Variants in ROR2 observed in about 807,000 individuals in gnomAD.
The protein encoded by ROR2 is tyrosine-protein kinase transmembrane receptor ROR2.
A neutral mutation model predicts 74.9 loss-of-function variants in ROR2; 33 were observed. The ratio of observed to expected loss-of-function variants is 0.44; its 90% CI spans 0.33 to 0.59. ROR2 has a LOEUF of 0.59. Among genes scored for constraint, ROR2 ranks in the 20% least tolerant of loss-of-function variants. The pLI, the probability that ROR2 is intolerant of heterozygous loss-of-function variation, is 0.02. For synonymous variants in ROR2, 586 were observed against 558.7 expected, an observed-to-expected ratio of 1.05 and a Z score of -0.69; for missense variants, 1,216 against 1,313.8, an observed-to-expected ratio of 0.93 and a Z score of 1.15.
intron 1 of ROR2, among the ~76,000 whole-genome samples, chr9:91,904,704 C>T (rs2119441752): frequency 6.6e-6 from 1 of 152,280 alleles, no homozygotes; most frequent in Admixed American, 6.5e-5. Context: ...CCATCTCCAC[C>T]CCAGCGCCCT....
chr9:91,816,488 A>T (rs1827938921), intron 1 of ROR2, among the ~76,000 whole-genome samples: 1 of 151,582 alleles, frequency 6.6e-6, no homozygotes, highest in South Asian at 2.1e-4. Context: ...AGACGTGGAC[A>T]CTTGTGCTTC....
intron 1 of ROR2, among the ~76,000 whole-genome samples, chr9:91,842,608 T>C (rs892291591): frequency 6.6e-6 from 1 of 152,260 alleles, no homozygotes; most frequent in African/African-American, 2.4e-5. Context: ...TGTCCACAGC[T>C]TCTCTGCCTC....
At chr9:91,786,826 T>C (rs562134556) in intron 1 of ROR2, among the ~76,000 whole-genome samples, 1 of 152,286 alleles carries the variant, frequency 6.6e-6, no homozygotes, top group East Asian at 1.9e-4. Flanking sequence ...TAGAGCTGAC[T>C]ATAACTGCAG....
intron 1 of ROR2, among the ~76,000 whole-genome samples, chr9:91,883,832 C>T (rs1830190835): frequency 6.6e-6 from 1 of 152,188 alleles, no homozygotes. Context: ...TAAATCACCA[C>T]CAAAATCCCT....
chr9:91,818,408 C>T (rs1338447177), intron 1 of ROR2, among the ~76,000 whole-genome samples: 2 of 151,804 alleles, frequency 1.3e-5, no homozygotes, highest in African/African-American at 2.4e-5. Context: ...CCCCCACAGG[C>T]TATCTCCCTG....
chr9:91,830,041 A>G (rs1234352937), intron 1 of ROR2, among the ~76,000 whole-genome samples: 7 of 152,198 alleles, frequency 4.6e-5, no homozygotes, highest in Non-Finnish European at 2.9e-5. Context: ...ACCCTAATCA[A>G]TTTTCATTAT....
chr9:91,849,752 T>G (rs938687988), intron 1 of ROR2, among the ~76,000 whole-genome samples: 1 of 152,220 alleles, frequency 6.6e-6, no homozygotes, highest in Non-Finnish European at 1.5e-5. Context: ...GACTTCAACC[T>G]CCCCAGATAG....
intron 1 of ROR2, among the ~76,000 whole-genome samples, chr9:91,874,762 C>T (rs893406089): frequency 1.3e-5 from 2 of 152,052 alleles, no homozygotes; most frequent in African/African-American, 4.8e-5. Flanking sequence ...ATGGACAAAC[C>T]CTGTCTCCAC....
chr9:91,804,034 G>GA (rs1245008916), intron 1 of ROR2, among the ~76,000 whole-genome samples: 1 of 152,172 alleles, frequency 6.6e-6, no homozygotes, highest in Non-Finnish European at 1.5e-5. Flanking sequence ...AAAATCACCA[G>GA]AAACACACTC....
intron 1 of ROR2, among the ~76,000 whole-genome samples, chr9:91,789,245 A>G (rs942152679): frequency 1.3e-5 from 2 of 152,210 alleles, no homozygotes; most frequent in Non-Finnish European, 2.9e-5. Context: ...TCAATTTTAC[A>G]TAAAAATTAA....
intron 7 of ROR2, among the ~76,000 whole-genome samples, chr9:91,730,099 C>T (rs568208876): frequency 6.6e-4 from 100 of 152,196 alleles, no homozygotes; most frequent in African/African-American, 2.1e-3. Context: ...TGTGCCACCA[C>T]GCCTGGACAA....
At chr9:91,796,464 C>T (rs1052712565) in intron 1 of ROR2, among the ~76,000 whole-genome samples, 1 of 149,538 alleles carries the variant, frequency 6.7e-6, no homozygotes, top group Non-Finnish European at 1.5e-5. Context: ...AACATTTTCA[C>T]ATGTTTTACC....
chr9:91,917,384 T>C (rs772523105), intron 1 of ROR2, among the ~76,000 whole-genome samples: 1 of 152,078 alleles, frequency 6.6e-6, no homozygotes, highest in Non-Finnish European at 1.5e-5. Flanking sequence ...CTGGAGTTCA[T>C]GGGGAAGTAC....
intron 1 of ROR2, among the ~76,000 whole-genome samples, chr9:91,860,101 C>T (rs752524747): frequency 4.6e-5 from 7 of 152,174 alleles, no homozygotes; most frequent in Non-Finnish European, 8.8e-5. Flanking sequence ...CAGGGAGAAA[C>T]AGGAGCCCTC....
At chr9:91,762,974 A>G (rs1379367623) in intron 2 of ROR2, among the ~76,000 whole-genome samples, 1 of 152,222 alleles carries the variant, frequency 6.6e-6, no homozygotes. Context: ...TGTGGTACTT[A>G]TACACCATGG....
intron 1 of ROR2, among the ~76,000 whole-genome samples, chr9:91,918,467 TTC>T (rs1831191799): frequency 1.3e-5 from 2 of 152,126 alleles, no homozygotes; most frequent in Non-Finnish European, 2.9e-5. Flanking sequence ...CATGCTAGCT[TTC>T]AGAGGAGGGC....
chr9:91,827,688 A>T (rs1828337205), intron 1 of ROR2, among the ~76,000 whole-genome samples: 1 of 152,216 alleles, frequency 6.6e-6, no homozygotes, highest in South Asian at 2.1e-4. Context: ...TCCAATGTAC[A>T]GATCGGTCCA....
intron 4 of ROR2, among the ~76,000 whole-genome samples, chr9:91,749,642 A>C (rs1003203441): frequency 2.0e-5 from 3 of 152,208 alleles, no homozygotes; most frequent in Non-Finnish European, 2.9e-5. Context: ...CAGGAACAGA[A>C]GCTATAGGGA....
At chr9:91,914,076 GTTA>G (rs10588121) in intron 1 of ROR2, among the ~76,000 whole-genome samples, 8,109 of 152,112 alleles carry the variant, frequency 0.053, 279 homozygotes, top group African/African-American at 0.083. Context: ...ATCTCATGCT[GTTA>G]TTCCCCAAGT....
Sources: allele counts gnomAD v4.1 joint callset (sites outside exome capture counted in the v4.1 genomes callset), GRCh38; gene constraint gnomAD v4.1.1; transcripts MANE v1.5; gene names NCBI Gene and HGNC (gene_info 2026-07-23, HGNC 2026-07-21).